LHX2: variants seen among roughly 807,000 people sequenced by gnomAD.
LHX2 encodes the protein LIM/homeobox protein Lhx2.
In LHX2, 6 loss-of-function variants were observed where a neutral mutation model predicts 33.0. That is an observed-to-expected ratio of 0.18 (90% CI 0.10 to 0.36). LHX2 has a LOEUF of 0.36. Among genes scored for constraint, LHX2 ranks in the 10% least tolerant of loss-of-function variants. LHX2 has a pLI of 1.00. For synonymous variants in LHX2, 292 were observed against 253.1 expected (o/e 1.15, Z -1.46); for missense variants, 442 against 586.2 (o/e 0.75, Z 2.54).
At position 124,032,443 on chromosome 9, in the gene LHX2, C is replaced by T. The variant is rs754598640; in HGVS notation, c.957C>T (p.Ala319=). The change falls in exon 5 of 5, where the codon GCC becomes GCT. Residue 319 remains alanine, a synonymous_variant. Coordinates refer to ENST00000373615, the MANE Select transcript of LHX2 (RefSeq NM_004789.4). This position sits in a 1 kb window ranked among gnomAD's most constrained non-coding sequence, Gnocchi z 4.1. The part of the protein sequence containing the change: ...VLQVWFQNAR[A]KFRRNLLRQE... ...AGGTCTGGTTCCAGAACGCCCGAGC[C>T]AAGTTCAGGCGCAACCTCTTACGGC... 9 of 1,595,974 alleles carry T rather than the reference C, an allele frequency of 5.6e-6. No individual in the cohort carries two copies. The Admixed American group carries it at 1.5e-4, about 27-fold the overall frequency.
intron 3 of LHX2, among the ~76,000 whole-genome samples, chr9:124,017,731 G>A (rs1294777874): frequency 1.3e-5 from 2 of 151,924 alleles, no homozygotes; most frequent in African/African-American, 4.8e-5. Context: ...CGAGCTGGGG[G>A]CCGAGTGGGG....
intron 3 of LHX2, among the ~76,000 whole-genome samples, chr9:124,019,257 G>C (rs1859250957): frequency 6.6e-6 from 1 of 152,180 alleles, no homozygotes; most frequent in Non-Finnish European, 1.5e-5. Flanking sequence ...CTAGCTAACA[G>C]CTCCAAAGGC....
chr9:124,032,698 C>A lies in LHX2; in HGVS notation c.1212C>A (p.Asn404Lys). 4 of 1,583,790 alleles carry A rather than the reference C, an allele frequency of 2.5e-6. No individual in the cohort carries two copies. The highest frequency in any genetic ancestry group is 3.5e-6 in the Non-Finnish European group (4 of 1,158,456). ...GCCCCTCACAAACGACTCTTACCAA[C>A]CTTTTCTAATGACTCGCAACCCCTC... ...PHSPSQTTLT[N>K]LF The change falls in exon 5 of 5, where the codon AAC becomes AAA. Residue 404 changes from asparagine (N) to lysine (K), a missense_variant. This residue lies in a region of LHX2 where 109 missense variants were observed against 98.7 expected (regional missense o/e 1.10). Coordinates refer to ENST00000373615, the MANE Select transcript of LHX2 (RefSeq NM_004789.4). This position sits in a 1 kb window ranked among gnomAD's most constrained non-coding sequence, Gnocchi z 4.1.
chr9:124,029,115 A>T lies in LHX2; in HGVS notation c.934-3305A>T, dbSNP rs1021730769. Among the ~76,000 whole-genome samples the T allele has an allele frequency of 6.6e-5, 10 of 151,296 alleles. No homozygotes were observed. The South Asian group carries it at 8.3e-4, about 13-fold the overall frequency. On this transcript the variant is annotated intron_variant, in intron 4 of 4. Transcript: ENST00000373615. The stretch of plus-strand genomic sequence containing the variant: ...TGACAGAGCAAGACTCTGTCTCAAA[A>T]AATAATAATAATAATAATAATAGTC...
chr9:124,027,245 T>C (rs1828638749), intron 4 of LHX2, among the ~76,000 whole-genome samples: 1 of 151,682 alleles, frequency 6.6e-6, no homozygotes, highest in African/African-American at 2.4e-5. Flanking sequence ...TTTAGAAAAA[T>C]AGGAAAAACA....
At chr9:124,025,163 G>A (rs550310078) in intron 4 of LHX2, among the ~76,000 whole-genome samples, 21 of 152,334 alleles carry the variant, frequency 1.4e-4, no homozygotes, top group Admixed American at 8.5e-4. Flanking sequence ...CCTTGGCCGG[G>A]CACTGTGGCT....
Position 124,032,449 on chromosome 9 carries a change from C to T in LHX2, c.963C>T (p.Phe321=). 3.1e-6 allele frequency: 5 copies of T among 1,598,996 alleles called. No individual in the cohort carries two copies. Among genetic ancestry groups the T allele is most frequent in the Non-Finnish European group, 4.3e-6 (5 of 1,172,742 alleles). The change falls in exon 5 of 5, where the codon TTC becomes TTT. Residue 321 remains phenylalanine (F), a synonymous_variant. Transcript: ENST00000373615. This position sits in a 1 kb window ranked among gnomAD's most constrained non-coding sequence, Gnocchi z 4.1. The stretch of plus-strand genomic sequence containing the variant: ...GGTTCCAGAACGCCCGAGCCAAGTT[C>T]AGGCGCAACCTCTTACGGCAGGAAA... ...QVWFQNARAK[F]RRNLLRQENT... is the part of the protein sequence containing the mutation.
chr9:124,013,945 C>G lies in LHX2; in HGVS notation c.121-16C>G. 1 of 1,608,296 alleles carries G rather than the reference C, an allele frequency of 6.2e-7. No homozygotes were observed. The highest frequency in any genetic ancestry group is 1.1e-5 in the South Asian group (1 of 90,948). The stretch of plus-strand genomic sequence containing the variant: ...TGACGCAGGCGCTGCTGTCTTCCGC[C>G]TCCCTCCCTTCGCAGACCATGCCGT... On this transcript the variant is annotated splice_polypyrimidine_tract_variant and intron_variant, in intron 1 of 4. Transcript: ENST00000373615.
chr9:124,015,629 G>C lies in LHX2; in HGVS notation c.727+104G>C. On this transcript the variant is annotated intron_variant, in intron 3 of 4. Coordinates refer to ENST00000373615, the MANE Select transcript of LHX2 (RefSeq NM_004789.4). This position sits in a 1 kb window ranked among gnomAD's most constrained non-coding sequence, Gnocchi z 7.9. ...TCTCTGTGTGCTGGGCAAATAGCGA[G>C]CCTTAAGCACCGGACGGCCTCGCAG... 4 of 1,289,050 alleles carry C rather than the reference G, an allele frequency of 3.1e-6. No individual in the cohort carries two copies. The highest frequency in any genetic ancestry group is 4.1e-6 in the Non-Finnish European group (4 of 966,460). 79.9% of individuals were successfully genotyped at this position (1,289,050 alleles called of 1,614,324 possible).
chr9:124,027,902 G>GT (rs5900598), intron 4 of LHX2, among the ~76,000 whole-genome samples: 53,938 of 151,484 alleles, frequency 0.36, 10,942 homozygotes, highest in Admixed American at 0.47. Flanking sequence ...AGAAGGCATA[G>GT]TTTTTTTTTA....
chr9:124,017,377 T>G lies in LHX2; in HGVS notation c.727+1852T>G, dbSNP rs562071767. Among the ~76,000 whole-genome samples, 120 of 152,054 alleles carry G rather than the reference T, an allele frequency of 7.9e-4. 1 individual carries two copies. Among genetic ancestry groups the G allele is most frequent in the South Asian group, 4.4e-3 (21 of 4,802 alleles). ...CTCTTTCGGGGCTCCCGGGACTAGG[T>G]TGGGGAAAGAGGGCATCTCCCCGGC... On this transcript the variant is annotated intron_variant, in intron 3 of 4. Coordinates refer to ENST00000373615, the MANE Select transcript of LHX2 (RefSeq NM_004789.4).
In LHX2 at chr9:124,030,779, G is replaced by A. The variant is rs144881696; in HGVS notation, c.934-1641G>A. The stretch of plus-strand genomic sequence containing the variant: ...CCCGAGTAGCTGAGGTTACAGGAGC[G>A]CACCATCACACCCAGCTAATTTTTT... On this transcript the variant is annotated intron_variant, in intron 4 of 4. Transcript: ENST00000373615. Among the ~76,000 whole-genome samples the A allele has an allele frequency of 3.1e-3, 466 of 151,704 alleles. 1 individual carries two copies. Among genetic ancestry groups the A allele is most frequent in the African/African-American group, 0.011 (448 of 41,356 alleles).
intron 4 of LHX2, among the ~76,000 whole-genome samples, chr9:124,029,969 C>G (rs1053105762): frequency 6.6e-6 from 1 of 152,106 alleles, no homozygotes; most frequent in Admixed American, 6.5e-5. Context: ...AAGGGAAGGA[C>G]CCCCCCACCC....
intron 3 of LHX2, among the ~76,000 whole-genome samples, chr9:124,018,677 C>G (rs1859239489): frequency 1.3e-5 from 2 of 152,178 alleles, no homozygotes; most frequent in Admixed American, 1.3e-4. Context: ...CCCCTCCGCT[C>G]TCCCTATTTC....
chr9:124,030,453 C>T (rs1828690390), intron 4 of LHX2, among the ~76,000 whole-genome samples: 2 of 152,200 alleles, frequency 1.3e-5, no homozygotes, highest in East Asian at 1.9e-4. Flanking sequence ...AGGGGCCCTG[C>T]CTTTCAGGAC....
rs890019419 is a variant in LHX2, at chr9:124,033,196, C to A, written c.*489C>A. ...GAAAAAAAAAAAAGGAAAAATCAAA[C>A]CCCCTCCAACGGTCGCTTTGTTGTT... On this transcript the variant is annotated 3_prime_UTR_variant, in exon 5 of 5. Transcript: ENST00000373615. 1 of 151,152 alleles carries A rather than the reference C, an allele frequency of 6.6e-6. No homozygotes were observed. Among genetic ancestry groups the A allele is most frequent in the Non-Finnish European group, 1.5e-5 (1 of 67,882 alleles). The allele number at this position is 151,152 out of a possible 1,614,324, so 9.4% of individuals were successfully genotyped here.
intron 3 of LHX2, among the ~76,000 whole-genome samples, chr9:124,018,891 AC>A (rs921930490): frequency 8.7e-5 from 13 of 148,850 alleles, no homozygotes; most frequent in African/African-American, 3.2e-4. Context: ...CTACTACCCC[AC>A]CTAGGCGGCA....
chr9:124,017,590 C>T lies in LHX2; in HGVS notation c.727+2065C>T, dbSNP rs1269484355. The stretch of plus-strand genomic sequence containing the variant: ...TCGTGTGCGTGTGCGTGCAGGGTTC[C>T]GACCACGGGGACACGAGCTTGTTTG... On this transcript the variant is annotated intron_variant, in intron 3 of 4. Coordinates refer to ENST00000373615, the MANE Select transcript of LHX2 (RefSeq NM_004789.4). Among the ~76,000 whole-genome samples, 5 of 152,258 alleles carry T rather than the reference C, an allele frequency of 3.3e-5. No individual in the cohort carries two copies. In the East Asian group the frequency reaches 9.7e-4, roughly 29 times the overall value.
At chr9:124,023,241 C>A (rs1164723202) in intron 4 of LHX2, among the ~76,000 whole-genome samples, 1 of 151,856 alleles carries the variant, frequency 6.6e-6, no homozygotes, top group Non-Finnish European at 1.5e-5. Context: ...CTTCCCTGGG[C>A]CACATTGGAA....
Sources: gnomAD v4.1 joint callset for allele counts (sites outside exome capture counted in the v4.1 genomes callset) on GRCh38, gnomAD v4.1.1 for gene constraint, gnomAD v4.1.1 regional missense constraint, Gnocchi (gnomAD v3.1) non-coding constraint, MANE v1.5 for transcripts, NCBI Gene and HGNC (gene_info 2026-07-23, HGNC 2026-07-21) for gene names.